Variants in MTCL1 observed in about 807,000 individuals in gnomAD.
The protein encoded by MTCL1 is microtubule cross-linking factor 1.
Under a neutral mutation model 141.4 loss-of-function variants are expected in MTCL1, and 79 were observed. The ratio of observed to expected loss-of-function variants is 0.56; its 90% CI spans 0.47 to 0.67. The LOEUF is 0.67. Ranked by LOEUF, MTCL1 falls within the 30% of genes least tolerant of loss-of-function variation. MTCL1 has a pLI of 0.00. For missense variants in MTCL1, 2,177 were observed against 2,113.9 expected (o/e 1.03, Z -0.59); for synonymous variants, 914 against 875.8 (o/e 1.04, Z -0.77).
chr18:8,785,876 GT>G (rs969383064), intron 6 of MTCL1, 59 bp from the exon 6 acceptor site: 98 of 1,516,030 alleles, frequency 6.5e-5, no homozygotes, highest in East Asian at 6.2e-4. Context: ...TTGTTTGTTT[GT>G]TTTTTTGTTT....
chr18:8,712,796 C>A (rs954406162), upstream of MTCL1, among the ~76,000 whole-genome samples: 1 of 152,064 alleles, frequency 6.6e-6, no homozygotes, highest in Non-Finnish European at 1.5e-5. Context: ...GTGGATTATT[C>A]GTATGTTACA....
intron 4 of MTCL1, among the ~76,000 whole-genome samples, chr18:8,736,433 A>G (rs1363054620): frequency 6.6e-6 from 1 of 152,156 alleles, no homozygotes; most frequent in Non-Finnish European, 1.5e-5. Flanking sequence ...GAATACTTAC[A>G]TTAGCCTACA....
intron 12 of MTCL1, 133 bp from the exon 12 acceptor site, chr18:8,818,830 A>T: frequency 2.2e-6 from 2 of 922,008 alleles, no homozygotes; most frequent in Non-Finnish European, 3.3e-6. Flanking sequence ...TCAGAACTTT[A>T]AGAACATTTG....
At chr18:8,772,646 AACAT>A (rs1169460921) in intron 4 of MTCL1, among the ~76,000 whole-genome samples, 54 of 150,944 alleles carry the variant, frequency 3.6e-4, no homozygotes, top group African/African-American at 9.9e-4. Context: ...TGTTAACATA[AACAT>A]ACATGTTATG....
chr18:8,784,922 A>G (rs1051576189), intron 6 of MTCL1, 79 bp downstream of exon 5: 56 of 1,278,006 alleles, frequency 4.4e-5, no homozygotes, highest in Non-Finnish European at 5.7e-5. Flanking sequence ...ACTCGGGCTC[A>G]CGCTGCTCAC....
At chr18:8,765,726 C>T (rs1378063898) in intron 4 of MTCL1, among the ~76,000 whole-genome samples, 1 of 152,164 alleles carries the variant, frequency 6.6e-6, no homozygotes, top group African/African-American at 2.4e-5. Flanking sequence ...AAATCGAGAA[C>T]CGAAGCATTA....
intron 7 of MTCL1, among the ~76,000 whole-genome samples, chr18:8,790,972 G>T: frequency 6.6e-6 from 1 of 152,148 alleles, no homozygotes. Context: ...CCGACGTCAC[G>T]CCACTGCACT....
chr18:8,710,423 A>G (rs1418082943), intron 1 of MTCL1, among the ~76,000 whole-genome samples: 1 of 151,802 alleles, frequency 6.6e-6, no homozygotes, highest in Non-Finnish European at 1.5e-5. Context: ...CAGTTATCCA[A>G]AGGCCTGGGC....
At chr18:8,786,041 G>T in exon 7 of MTCL1, 1 of 1,602,652 alleles carries the variant, frequency 6.2e-7, no homozygotes, top group Non-Finnish European at 8.5e-7. Context: ...CCGCGCAGAC[G>T]GGGACACCGG....
intron 4 of MTCL1, among the ~76,000 whole-genome samples, chr18:8,776,355 A>G (rs2096508568): frequency 6.6e-6 from 1 of 151,578 alleles, no homozygotes; most frequent in Non-Finnish European, 1.5e-5. Context: ...GATGCTTCTC[A>G]CTCCTCATTT....
exon 17 of MTCL1, chr18:8,831,764 G>A (rs1214236105): frequency 1.3e-6 from 2 of 1,550,234 alleles, no homozygotes; most frequent in African/African-American, 1.4e-5. Context: ...GAGGAGCATG[G>A]TGGCGAGGAG....
At chr18:8,784,396 C>T (rs771278186) in exon 6 of MTCL1, 115 of 1,527,020 alleles carry the variant, frequency 7.5e-5, no homozygotes, top group South Asian at 4.3e-4. Context: ...CGTCGGGCTT[C>T]GGGAGCGGGA....
chr18:8,713,254 C>T (rs2096105592), upstream of MTCL1, among the ~76,000 whole-genome samples: 1 of 152,192 alleles, frequency 6.6e-6, no homozygotes, highest in Non-Finnish European at 1.5e-5. Flanking sequence ...TTAATTAAAA[C>T]TAGCTTTTCA....
Position 8,774,181 on chromosome 18 carries a change from G to A in MTCL1, c.358-3652G>A, listed in dbSNP as rs1598595055. ...TGAGGGCCATGGTTCGCCAACTTCT[G>A]TTCTTGATGAGTTTTTGAATTACTT... is the stretch of plus-strand genomic sequence containing the variant. On this transcript the variant is annotated intron_variant, in intron 4 of 16. Transcript: ENST00000359865. Among the ~76,000 whole-genome samples, 3 of 152,042 alleles carry A rather than the reference G, an allele frequency of 2.0e-5. No homozygotes were observed. The East Asian group carries it at 5.8e-4, about 29-fold the overall frequency.
intron 5 of MTCL1, among the ~76,000 whole-genome samples, chr18:8,778,583 C>T (rs2096521246): frequency 6.6e-6 from 1 of 152,218 alleles, no homozygotes; most frequent in African/African-American, 2.4e-5. Flanking sequence ...AGCCCTGTCC[C>T]TGTGAATTCC....
At chr18:8,759,073 A>G (rs994189449) in intron 4 of MTCL1, among the ~76,000 whole-genome samples, 2 of 152,192 alleles carry the variant, frequency 1.3e-5, no homozygotes, top group African/African-American at 4.8e-5. Context: ...ACTGTTTGCA[A>G]TTCTGCATTT....
intron 13 of MTCL1, among the ~76,000 whole-genome samples, chr18:8,819,645 C>T (rs72938183): frequency 0.29 from 43,389 of 151,854 alleles, 7,017 homozygotes; most frequent in Non-Finnish European, 0.35. Flanking sequence ...ACTCTCTTGC[C>T]CAGGGTGGAG....
chr18:8,829,537 C>A (rs2077130026), intron 16 of MTCL1: 1 of 970,590 alleles, frequency 1.0e-6, no homozygotes, highest in Non-Finnish European at 1.2e-6. Context: ...ACAACAAAAT[C>A]ATCCCCACTC....
chr18:8,800,362 G>A (rs995247555), intron 10 of MTCL1: 13 of 152,212 alleles, frequency 8.5e-5, no homozygotes, highest in African/African-American at 2.4e-4. Flanking sequence ...TCAGGCCTTG[G>A]TCTTTGCTTT....
Sources: gnomAD v4.1 joint callset for allele counts (sites outside exome capture counted in the v4.1 genomes callset) on GRCh38, gnomAD v4.1.1 for gene constraint, MANE v1.5 for transcripts, NCBI Gene and HGNC (gene_info 2026-07-23, HGNC 2026-07-21) for gene names.